BICRA: variants seen among roughly 807,000 people sequenced by gnomAD.
The protein encoded by BICRA is BRD4-interacting chromatin-remodeling complex-associated protein.
Under a neutral mutation model 96.9 loss-of-function variants are expected in BICRA, and 31 were observed. That is an observed-to-expected ratio of 0.32 (90% CI 0.24 to 0.43). The LOEUF (loss-of-function observed/expected upper bound fraction) is 0.43, where lower values mean the gene tolerates loss of function less well. Among genes scored for constraint, BICRA ranks in the 20% least tolerant of loss-of-function variants. The pLI is 1.00. For synonymous variants in BICRA, 1,350 were observed against 1,071.8 expected, an observed-to-expected ratio of 1.26 and a Z score of -5.07; for missense variants, 2,283 against 2,190.3, an observed-to-expected ratio of 1.04 and a Z score of -0.84.
In BICRA at chr19:47,620,632, T is replaced by C. The variant is rs1312061674; in HGVS notation, c.-108+11464T>C. ...CTCCAGTTAGCTGTGATCATACCAC[T>C]GCACTTTAGCTTGGGCGACAGAGTG... On this transcript the variant is annotated intron_variant, in intron 1 of 14. Coordinates refer to ENST00000594866, the MANE Select transcript of BICRA (RefSeq NM_001394372.1). Among the ~76,000 whole-genome samples, 5 of 125,702 alleles carry C rather than the reference T, an allele frequency of 4.0e-5. No individual in the cohort carries two copies. In the Admixed American group the frequency reaches 5.2e-4, roughly 13 times the overall value. 82.5% of individuals were successfully genotyped at this position (125,702 alleles called of 152,430 possible).
chr19:47,619,713 CATA>C (rs1322518643), intron 1 of BICRA, among the ~76,000 whole-genome samples: 6 of 152,100 alleles, frequency 3.9e-5, no homozygotes, highest in African/African-American at 7.2e-5. Context: ...GCCTAGGCAA[CATA>C]ATAAGACCCT....
At chr19:47,694,035 G>T in intron 7 of BICRA, 80 bp from the exon 8 acceptor site, 1 of 1,426,372 alleles carries the variant, frequency 7.0e-7, no homozygotes, top group Non-Finnish European at 9.2e-7. Context: ...GATGGCTGGG[G>T]ACCCCAGTGT....
chr19:47,656,952 C>G (rs1972627417), intron 1 of BICRA, among the ~76,000 whole-genome samples: 1 of 151,744 alleles, frequency 6.6e-6, no homozygotes, highest in South Asian at 2.1e-4. Context: ...ACCTCCACCT[C>G]CCGGGTTCAA....
At chr19:47,672,376 AGATG>A (rs1230850463) in intron 2 of BICRA, among the ~76,000 whole-genome samples, 6 of 144,258 alleles carry the variant, frequency 4.2e-5, no homozygotes, top group Admixed American at 6.8e-5. Context: ...ATGGGTAGGT[AGATG>A]GATGGAAGGA....
intron 1 of BICRA, among the ~76,000 whole-genome samples, chr19:47,619,171 G>A (rs1328544803): frequency 1.4e-5 from 2 of 142,572 alleles, no homozygotes; most frequent in Non-Finnish European, 3.0e-5. Context: ...TTACTCTTTC[G>A]TGGACAGTGT....
At position 47,650,378 on chromosome 19, in the gene BICRA, G is replaced by A. The variant is rs377050157; in HGVS notation, c.-107-20065G>A. 6.2e-4 allele frequency among the ~76,000 whole-genome samples: 95 copies of A among 152,096 alleles called. 3 individuals are homozygous for A. The South Asian group carries it at 0.012, about 20-fold the overall frequency. ...AAACTCCCGACCTCGTGATCCTCCC[G>A]CCTTGGCCTCCCAAATTACAGGGCT... On this transcript the variant is annotated intron_variant, in intron 1 of 14. Transcript: ENST00000594866.
intron 7 of BICRA, among the ~76,000 whole-genome samples, chr19:47,684,902 T>C (rs1029522463): frequency 6.6e-5 from 10 of 152,196 alleles, no homozygotes; most frequent in Admixed American, 6.5e-4. Context: ...CCTGACATGA[T>C]GGCACTGCAC....
At chr19:47,609,230 C>T (rs1971856031) in intron 1 of BICRA, 62 bp downstream of exon 1, 1 of 146,592 alleles carries the variant, frequency 6.8e-6, no homozygotes, top group East Asian at 2.1e-4. Context: ...ACCTGCGAGT[C>T]GGGGCTGTGA....
chr19:47,650,699 CA>C (rs1972528087), intron 1 of BICRA, among the ~76,000 whole-genome samples: 1 of 152,194 alleles, frequency 6.6e-6, no homozygotes, highest in South Asian at 2.1e-4. Flanking sequence ...AGGCTCTGGG[CA>C]GCCCTCCCTG....
intron 1 of BICRA, among the ~76,000 whole-genome samples, chr19:47,610,347 G>A (rs62128735): frequency 0.53 from 81,335 of 152,178 alleles, 25,082 homozygotes; most frequent in Non-Finnish European, 0.7. Flanking sequence ...CGGGAGGACC[G>A]GGCAAGGAGC....
At chr19:47,644,826 C>T (rs987314372) in intron 1 of BICRA, among the ~76,000 whole-genome samples, 4 of 152,130 alleles carry the variant, frequency 2.6e-5, no homozygotes, top group Non-Finnish European at 2.9e-5. Context: ...TTTATTTCTA[C>T]AGGCCAGTAG....
intron 1 of BICRA, among the ~76,000 whole-genome samples, chr19:47,631,917 G>A (rs1972227500): frequency 6.6e-6 from 1 of 152,196 alleles, no homozygotes; most frequent in African/African-American, 2.4e-5. Context: ...CCAAAGTGCT[G>A]GGATTAGAGG....
chr19:47,619,139 TCTC>T (rs1247183285), intron 1 of BICRA, among the ~76,000 whole-genome samples: 1 of 151,950 alleles, frequency 6.6e-6, no homozygotes, highest in Non-Finnish European at 1.5e-5. Context: ...TGCGCGGTGA[TCTC>T]CTACTTTTGT....
intron 2 of BICRA, among the ~76,000 whole-genome samples, chr19:47,671,854 TG>T (rs898245862): frequency 9.1e-6 from 1 of 110,496 alleles, no homozygotes; most frequent in Non-Finnish European, 1.8e-5. Context: ...ATGGGAGGGA[TG>T]GGTAGGTAGA....
In BICRA at chr19:47,702,391, C is replaced by T. The variant is rs200264419; in HGVS notation, c.4659C>T (p.Leu1553=). 4.0e-6 allele frequency: 6 copies of T among 1,516,948 alleles called. No homozygotes were observed. Among genetic ancestry groups the T allele is most frequent in the Middle Eastern group, 2.3e-4 (1 of 4,428 alleles). 94.0% of individuals were successfully genotyped at this position (1,516,948 alleles called of 1,614,324 possible). A position where few individuals can be genotyped will look rare whatever the true frequency, so the allele number is the denominator to read the frequency against. ...CACCCTCCAGTCACAACGGTGGCCT[C>T]GGCGCCAGGACGTTGACCAGATAAC... ...AYPPSSHNGG[L]GARTLTR Residue 1553 remains leucine (L), a synonymous_variant, in exon 15 of 15, where the codon CTC becomes CTT. Transcript: ENST00000594866.
At chr19:47,653,235 C>T (rs564238261) in intron 1 of BICRA, among the ~76,000 whole-genome samples, 1 of 151,850 alleles carries the variant, frequency 6.6e-6, no homozygotes, top group African/African-American at 2.4e-5. Context: ...GTTGGCCAGG[C>T]TGGTCTCAAA....
Position 47,699,057 on chromosome 19 carries a change from C to T in BICRA, c.3490C>T (p.Arg1164Trp), listed in dbSNP as rs1431135511. 6.4e-7 allele frequency: 1 copy of T among 1,559,224 alleles called. No individual in the cohort carries two copies. The highest frequency in any genetic ancestry group is 8.7e-7 in the Non-Finnish European group (1 of 1,150,194). Residue 1164 changes from arginine to tryptophan, a missense_variant and splice_region_variant, in exon 13 of 15, where the codon CGG (arginine) becomes TGG (tryptophan). Transcript: ENST00000594866. The surrounding 1 kb of genome is among the most constrained non-coding windows in gnomAD (Gnocchi z 5.0). Reference protein sequence around the residue: ...KYRLLLLEESRRVSPSAEMVM... With the variant: ...KYRLLLLEESWRVSPSAEMVM... The stretch of plus-strand genomic sequence containing the variant: ...TCGGCTCCTGCTCCTGGAGGAGTCC[C>T]GGGTAGGGTCAGAGTCGCCTTCCTC...
chr19:47,637,652 T>TC (rs1352931632), intron 1 of BICRA, among the ~76,000 whole-genome samples: 2 of 152,138 alleles, frequency 1.3e-5, no homozygotes, highest in Non-Finnish European at 2.9e-5. Flanking sequence ...GAACATTTTT[T>TC]CTCACCCTAA....
intron 1 of BICRA, among the ~76,000 whole-genome samples, chr19:47,645,743 T>C (rs1249374850): frequency 6.6e-6 from 1 of 152,234 alleles, no homozygotes; most frequent in Non-Finnish European, 1.5e-5. Context: ...TGATTGGCTC[T>C]TCCTCTTGCC....
Sources: gnomAD v4.1 joint callset for allele counts (sites outside exome capture counted in the v4.1 genomes callset) on GRCh38, gnomAD v4.1.1 for gene constraint, Gnocchi (gnomAD v3.1) non-coding constraint, MANE v1.5 for transcripts, NCBI Gene and HGNC (gene_info 2026-07-23, HGNC 2026-07-21) for gene names.